Variants in SSBP3 observed in about 807,000 individuals in gnomAD.
SSBP3 encodes the protein single-stranded DNA-binding protein 3.
SSBP3 carries 5 observed loss-of-function variants against 69.6 expected under a neutral mutation model. The ratio of observed to expected loss-of-function variants is 0.07; its 90% CI spans 0.04 to 0.15. The LOEUF is 0.15. SSBP3 is among the 10% of genes least tolerant of loss of function. SSBP3 has a pLI of 1.00. For synonymous variants in SSBP3, 196 were observed against 193.4 expected, an observed-to-expected ratio of 1.01 and a Z score of -0.11; for missense variants, 312 against 534.0, an observed-to-expected ratio of 0.58 and a Z score of 4.10.
At chr1:54,228,609 G>A (rs542007851) in intron 15 of SSBP3, 132 bp from the exon 16 acceptor site, 22 of 1,477,634 alleles carry the variant, frequency 1.5e-5, no homozygotes, top group African/African-American at 8.3e-5. Context: ...CTTTCTGTGC[G>A]GCATCCCTCT....
chr1:54,336,162 A>G (rs749695411), intron 4 of SSBP3, among the ~76,000 whole-genome samples: 4 of 152,268 alleles, frequency 2.6e-5, no homozygotes, highest in Non-Finnish European at 2.9e-5. Context: ...TCTGATGGGC[A>G]TAACTTCTTA....
intron 4 of SSBP3, among the ~76,000 whole-genome samples, chr1:54,313,997 C>G (rs1468785389): frequency 6.6e-6 from 1 of 152,184 alleles, no homozygotes. Context: ...GTCCTGACAT[C>G]AGGTGATCCA....
chr1:54,338,465 C>T (rs909558691), intron 4 of SSBP3, among the ~76,000 whole-genome samples: 1 of 152,176 alleles, frequency 6.6e-6, no homozygotes, highest in Non-Finnish European at 1.5e-5. Flanking sequence ...ATGCTTCCCG[C>T]CCTCTCACTC....
chr1:54,340,960 C>G (rs548608872), intron 4 of SSBP3, among the ~76,000 whole-genome samples: 1 of 152,370 alleles, frequency 6.6e-6, no homozygotes, highest in African/African-American at 2.4e-5. Context: ...TCAGGAACAT[C>G]TGAATTTCAA....
chr1:54,267,495 G>A, intron 5 of SSBP3, among the ~76,000 whole-genome samples: 1 of 152,220 alleles, frequency 6.6e-6, no homozygotes, highest in South Asian at 2.1e-4. Context: ...TGGGGAGTGA[G>A]GGAGCAGTGA....
At chr1:54,391,408 C>A (rs1459807804) in intron 4 of SSBP3, among the ~76,000 whole-genome samples, 1 of 152,222 alleles carries the variant, frequency 6.6e-6, no homozygotes, top group Non-Finnish European at 1.5e-5. Context: ...TGGCAAAGCC[C>A]GGCAGGCAGC....
intron 6 of SSBP3, among the ~76,000 whole-genome samples, chr1:54,257,433 C>T (rs112658263): frequency 2.0e-4 from 30 of 152,068 alleles, no homozygotes; most frequent in African/African-American, 6.8e-4. Context: ...GGAAGGGCAG[C>T]GGCTGGGACT....
At chr1:54,384,068 T>C (rs1223499413) in intron 4 of SSBP3, among the ~76,000 whole-genome samples, 1 of 135,006 alleles carries the variant, frequency 7.4e-6, no homozygotes, top group African/African-American at 2.9e-5. Context: ...ATCGTGCCAC[T>C]GCACTCCAGC....
intron 4 of SSBP3, among the ~76,000 whole-genome samples, chr1:54,398,711 G>A (rs1433371823): frequency 2.0e-5 from 3 of 151,886 alleles, no homozygotes; most frequent in East Asian, 1.9e-4. Flanking sequence ...CAATGGGACC[G>A]TGACCCTCCT....
chr1:54,356,187 G>A (rs1426552149), intron 4 of SSBP3, among the ~76,000 whole-genome samples: 1 of 152,150 alleles, frequency 6.6e-6, no homozygotes, highest in African/African-American at 2.4e-5. Flanking sequence ...GCTCGGAGAG[G>A]GTAGCGTGCA....
At chr1:54,410,431 T>C (rs1329308497), upstream of SSBP3, among the ~76,000 whole-genome samples, 1 of 152,176 alleles carries the variant, frequency 6.6e-6, no homozygotes, top group Admixed American at 6.5e-5. Context: ...CTTTCCCTGG[T>C]TCAAAGCTCT....
chr1:54,405,858 C>CCT (rs1649704710), intron 1 of SSBP3, 95 bp downstream of exon 1: 1 of 173,254 alleles, frequency 5.8e-6, no homozygotes, highest in South Asian at 2.1e-4. Flanking sequence ...GGCGCAGCAG[C>CCT]CTCCGGCCCC....
chr1:54,232,871 G>C (rs1223804763), intron 14 of SSBP3, among the ~76,000 whole-genome samples: 2 of 152,204 alleles, frequency 1.3e-5, no homozygotes, highest in Admixed American at 6.5e-5. Context: ...ACGGAGTCTC[G>C]TTCACTCAGT....
At chr1:54,399,612 AAAGATG>A (rs1162654607) in intron 4 of SSBP3, among the ~76,000 whole-genome samples, 2 of 152,226 alleles carry the variant, frequency 1.3e-5, no homozygotes, top group Non-Finnish European at 2.9e-5. Flanking sequence ...GGAGGTCTTA[AAAGATG>A]AATAGGATTT....
At chr1:54,257,083 G>A (rs746149392) in intron 7 of SSBP3, 44 bp downstream of exon 7, 14 of 1,577,884 alleles carry the variant, frequency 8.9e-6, no homozygotes, top group Middle Eastern at 1.7e-4. Flanking sequence ...CTAGGGCCAA[G>A]GATGGCTGAG....
intron 6 of SSBP3, 92 bp from the exon 7 acceptor site, chr1:54,257,278 T>A: frequency 8.7e-7 from 1 of 1,143,950 alleles, no homozygotes; most frequent in Non-Finnish European, 1.2e-6. Flanking sequence ...CCAGTTTTGT[T>A]ATAACTAGTG....
chr1:54,308,369 A>C (rs1226600571), intron 4 of SSBP3, among the ~76,000 whole-genome samples: 1 of 152,048 alleles, frequency 6.6e-6, no homozygotes, highest in Non-Finnish European at 1.5e-5. Context: ...TGGGAGGCCA[A>C]GGTGGGTGGA....
chr1:54,307,847 C>A (rs143937167), intron 4 of SSBP3, among the ~76,000 whole-genome samples: 2 of 152,130 alleles, frequency 1.3e-5, no homozygotes, highest in Non-Finnish European at 2.9e-5. Context: ...CATGAATAAC[C>A]CACCCCTTAT....
At chr1:54,377,389 G>A (rs1412139344) in intron 4 of SSBP3, among the ~76,000 whole-genome samples, 1 of 152,180 alleles carries the variant, frequency 6.6e-6, no homozygotes, top group African/African-American at 2.4e-5. Context: ...CAGGCCACTG[G>A]GCACACACAC....
Sources: gnomAD v4.1 joint callset for allele counts (sites outside exome capture counted in the v4.1 genomes callset) on GRCh38, gnomAD v4.1.1 for gene constraint, MANE v1.5 for transcripts, NCBI Gene and HGNC (gene_info 2026-07-23, HGNC 2026-07-21) for gene names.